The following DEUP1 variants were observed in gnomAD, a reference collection of about 807,000 sequenced individuals.
The protein encoded by DEUP1 is deuterosome assembly protein 1, also known as coiled-coil domain containing 67.
A neutral mutation model predicts 87.4 loss-of-function variants in DEUP1; 82 were observed. The observed-to-expected ratio is 0.94, with a 90% CI of 0.78 to 1.13. The LOEUF (loss-of-function observed/expected upper bound fraction) is 1.13, where lower values mean the gene tolerates loss of function less well. DEUP1 is among the 50% of genes most tolerant of loss of function. The probability of loss-of-function intolerance (pLI) is 0.00; values close to 1 mark genes in which losing one functional copy is unlikely to be tolerated. For missense variants in DEUP1, 663 were observed against 681.5 expected, an observed-to-expected ratio of 0.97 and a Z score of 0.30; for synonymous variants, 214 against 222.7, an observed-to-expected ratio of 0.96 and a Z score of 0.35.
chr11:93,335,027 T>G (rs1200168601), intron 2 of DEUP1, among the ~76,000 whole-genome samples: 2 of 152,206 alleles, frequency 1.3e-5, no homozygotes, highest in Non-Finnish European at 2.9e-5. Flanking sequence ...GATTTCTGGA[T>G]TTCATGATTT....
chr11:93,411,818 A>G (rs1947443726), intron 12 of DEUP1, among the ~76,000 whole-genome samples: 1 of 152,250 alleles, frequency 6.6e-6, no homozygotes, highest in Non-Finnish European at 1.5e-5. Flanking sequence ...GACAGATTTT[A>G]GCAGTCAAAC....
intron 7 of DEUP1, among the ~76,000 whole-genome samples, chr11:93,376,307 AGTTTAATCTAGGAGG>A (rs1372857849): frequency 1.3e-5 from 2 of 151,960 alleles, no homozygotes; most frequent in South Asian, 2.1e-4. Context: ...TTCTTCTAGG[AGTTTAATCTAGGAGG>A]GTTTAATCTA....
At chr11:93,419,884 TA>T (rs140472553) in intron 13 of DEUP1, among the ~76,000 whole-genome samples, 51,935 of 146,526 alleles carry the variant, frequency 0.35, 9,725 homozygotes, top group African/African-American at 0.48. Flanking sequence ...AAATAAAAAT[TA>T]AAAAAAAAAC....
chr11:93,436,303 T>A (rs558545282), intron 13 of DEUP1, among the ~76,000 whole-genome samples: 6 of 152,204 alleles, frequency 3.9e-5, no homozygotes, highest in Non-Finnish European at 5.9e-5. Flanking sequence ...GTGATAGTCT[T>A]TGGAATGTCC....
chr11:93,414,969 G>T, intron 12 of DEUP1, 31 bp from the exon 13 acceptor site: 1 of 1,242,446 alleles, frequency 8.0e-7, no homozygotes, highest in Non-Finnish European at 1.1e-6. Flanking sequence ...GTCCTTGATA[G>T]CAACAACAAC....
chr11:93,415,359 G>C (rs188224271), intron 13 of DEUP1, among the ~76,000 whole-genome samples: 135 of 152,194 alleles, frequency 8.9e-4, no homozygotes, highest in Admixed American at 1.4e-3. Context: ...AGAATTACTG[G>C]AGATGGTGTT....
At chr11:93,417,519 T>A (rs1189454354) in intron 13 of DEUP1, among the ~76,000 whole-genome samples, 1 of 151,822 alleles carries the variant, frequency 6.6e-6, no homozygotes, top group African/African-American at 2.4e-5. Flanking sequence ...CACTGCTCAA[T>A]GAAATAAAAG....
At chr11:93,427,694 C>G (rs924891411) in intron 13 of DEUP1, among the ~76,000 whole-genome samples, 3 of 151,002 alleles carry the variant, frequency 2.0e-5, no homozygotes, top group African/African-American at 7.3e-5. Flanking sequence ...AGGCAACCTA[C>G]AAAATGGGAG....
At chr11:93,385,667 G>A (rs983847081) in intron 8 of DEUP1, 124 bp downstream of exon 8, 4 of 599,946 alleles carry the variant, frequency 6.7e-6, no homozygotes, top group African/African-American at 2.0e-5. Flanking sequence ...TTAATTAGTG[G>A]GTAATATTAA....
At chr11:93,376,621 T>G (rs1199348301) in intron 7 of DEUP1, among the ~76,000 whole-genome samples, 1 of 152,184 alleles carries the variant, frequency 6.6e-6, no homozygotes, top group South Asian at 2.1e-4. Context: ...TTTCATTTAG[T>G]TCTGCTCTGA....
chr11:93,371,098 A>T lies in DEUP1; in HGVS notation c.607A>T (p.Ser203Cys). Residue 203 changes from serine (S) to cysteine (C), a missense_variant, in exon 7 of 14, where the codon AGC becomes TGC. Transcript: ENST00000298050. ...NGKKQCLEDS[S>C]SEIPRLICDP... ...TAAAAAACAGTGCTTAGAAGACAGC[A>T]GCTCTGAAATTCCTCGTTTGATATG... is the stretch of plus-strand genomic sequence containing the variant. 3 of 1,612,774 alleles carry T rather than the reference A, an allele frequency of 1.9e-6. No homozygotes were observed. Among genetic ancestry groups the T allele is most frequent in the Non-Finnish European group, 2.5e-6 (3 of 1,179,178 alleles).
chr11:93,390,946 G>A (rs1430035385), intron 9 of DEUP1, among the ~76,000 whole-genome samples: 1 of 152,104 alleles, frequency 6.6e-6, no homozygotes, highest in Non-Finnish European at 1.5e-5. Flanking sequence ...GCTGGGCGCG[G>A]TGGCAGGCGC....
intron 2 of DEUP1, among the ~76,000 whole-genome samples, chr11:93,338,016 C>A (rs1421300914): frequency 6.6e-6 from 1 of 152,128 alleles, no homozygotes; most frequent in Non-Finnish European, 1.5e-5. Context: ...CTTGGAACCA[C>A]CTGGGACTTT....
chr11:93,392,138 C>T (rs1360052752), intron 9 of DEUP1, among the ~76,000 whole-genome samples: 1 of 152,142 alleles, frequency 6.6e-6, no homozygotes, highest in Non-Finnish European at 1.5e-5. Flanking sequence ...TAGGTCACCC[C>T]ACTCTAAGTG....
chr11:93,367,042 G>A (rs1040831331), intron 5 of DEUP1, among the ~76,000 whole-genome samples: 8 of 151,982 alleles, frequency 5.3e-5, no homozygotes, highest in Non-Finnish European at 1.0e-4. Context: ...TTTGTATGTC[G>A]AATGTCAGAA....
At position 93,356,981 on chromosome 11, in the gene DEUP1, G is replaced by A. The variant is rs529681184; in HGVS notation, c.235G>A (p.Glu79Lys). 27 of 1,603,536 alleles carry A rather than the reference G, an allele frequency of 1.7e-5. 1 individual carries two copies. In the South Asian group the frequency reaches 2.7e-4, roughly 16 times the overall value. Residue 79 changes from glutamate (E) to lysine (K), a missense_variant, in exon 4 of 14, where the codon GAA becomes AAA. By Grantham distance (56) the Glu-to-Lys change is moderately conservative (BLOSUM62 1). Coordinates refer to ENST00000298050, the MANE Select transcript of DEUP1 (RefSeq NM_181645.4). ...ACTTCGACAGAAATTGGACAGTCTGGAAAAATGTAATTTAGCAATGACTCA... is the reference window on the plus strand; with the variant it reads ...ACTTCGACAGAAATTGGACAGTCTGAAAAAATGTAATTTAGCAATGACTCA... ...GLLRQKLDSL[E>K]KCNLAMTQNY...
chr11:93,370,321 G>A, intron 6 of DEUP1, 135 bp downstream of exon 6: 1 of 575,382 alleles, frequency 1.7e-6, no homozygotes, highest in Non-Finnish European at 3.1e-6. Context: ...GGTGGGTACA[G>A]TCACAAGTGC....
chr11:93,337,314 C>T (rs1190218141), intron 2 of DEUP1, among the ~76,000 whole-genome samples: 2 of 152,156 alleles, frequency 1.3e-5, no homozygotes. Flanking sequence ...CATAACTTTA[C>T]TTACCAGGTT....
chr11:93,392,535 A>C (rs1176306209), intron 9 of DEUP1, among the ~76,000 whole-genome samples: 3 of 152,192 alleles, frequency 2.0e-5, no homozygotes, highest in Admixed American at 6.5e-5. Flanking sequence ...TCATGTTTAG[A>C]TACTAATTCA....
Sources: gnomAD v4.1 joint callset for allele counts (sites outside exome capture counted in the v4.1 genomes callset) on GRCh38, gnomAD v4.1.1 for gene constraint, MANE v1.5 for transcripts, NCBI Gene and HGNC (gene_info 2026-07-23, HGNC 2026-07-21) for gene names.